Variants in SSH1 observed in about 807,000 individuals in gnomAD.
SSH1 encodes the protein slingshot protein phosphatase 1, also known as protein phosphatase Slingshot homolog 1.
A neutral mutation model predicts 79.7 loss-of-function variants in SSH1; 43 were observed. That is an observed-to-expected ratio of 0.54 (90% CI 0.42 to 0.70). The LOEUF (loss-of-function observed/expected upper bound fraction) is 0.70. Ranked by LOEUF, SSH1 falls within the 30% of genes least tolerant of loss-of-function variation. SSH1 has a pLI of 0.00. For synonymous variants in SSH1, 599 were observed against 538.3 expected (o/e 1.11, Z -1.56); for missense variants, 1,206 against 1,358.8 (o/e 0.89, Z 1.77).
intron 1 of SSH1, among the ~76,000 whole-genome samples, chr12:108,856,581 A>G (rs1219842228): frequency 6.6e-6 from 1 of 152,234 alleles, no homozygotes; most frequent in Non-Finnish European, 1.5e-5. Flanking sequence ...CAGACGTGAA[A>G]CACAGCCACA....
In SSH1 at chr12:108,792,680, T is replaced by C; in HGVS notation, c.1499A>G (p.Gln500Arg). 1 of 1,612,576 alleles carries C rather than the reference T, an allele frequency of 6.2e-7. No homozygotes were observed. Among genetic ancestry groups the C allele is most frequent in the Middle Eastern group, 1.6e-4 (1 of 6,062 alleles). ...GGGGAGGGGGGGCCCTAAGCCGGGC[T>C]GGGCGGCATCATCCAAGAAGGGCAG... The part of the protein sequence containing the change: ...SQLPFLDDAA[Q>R]PGLGPPLPCC... The change falls in exon 14 of 15, where the codon CAG becomes CGG. Residue 500 changes from glutamine to arginine, a missense_variant. Around this residue, in one of 5 missense-constraint regions of SSH1, gnomAD observed 709 missense variants for 730.6 expected, o/e 0.97. Coordinates refer to ENST00000326495, the MANE Select transcript of SSH1 (RefSeq NM_018984.4).
rs1208633198 is a variant in SSH1 at position 108,789,047 on chromosome 12, C to G, written c.2091G>C (p.Arg697Ser). The stretch of plus-strand genomic sequence containing the variant: ...AGGCTGGCTTCTCCGGAACACGGGA[C>G]CTGCTGGCCAAGTGGGCCACAGGGG... Reference protein sequence around the residue: ...TSSPVAHLASRSRVPEKPASG... With the variant: ...TSSPVAHLASSSRVPEKPASG... The change falls in exon 15 of 15, where the codon AGG becomes AGC. Residue 697 changes from arginine to serine, a missense_variant. Physicochemically the swap from Arg to Ser is moderately radical, Grantham distance 110 (BLOSUM62 -1). This residue lies in a region of SSH1 where 709 missense variants were observed against 730.6 expected (regional missense o/e 0.97). Transcript: ENST00000326495. 6.2e-7 allele frequency: 1 copy of G among 1,609,496 alleles called. No individual in the cohort carries two copies. The highest frequency in any genetic ancestry group is 1.7e-5 in the Admixed American group (1 of 59,808).
intron 10 of SSH1, among the ~76,000 whole-genome samples, chr12:108,802,645 T>G (rs1252199044): frequency 2.0e-5 from 3 of 151,988 alleles, no homozygotes; most frequent in Non-Finnish European, 4.4e-5. Context: ...GAAAACCTGC[T>G]CTCCGTCTCC....
At chr12:108,819,115 G>A (rs546099208) in intron 3 of SSH1, among the ~76,000 whole-genome samples, 4 of 152,232 alleles carry the variant, frequency 2.6e-5, no homozygotes, top group Admixed American at 6.5e-5. Context: ...CCGGGGGGGC[G>A]GGGGGAAATG....
chr12:108,790,396 C>T (rs1460422677), intron 14 of SSH1, among the ~76,000 whole-genome samples: 1 of 150,880 alleles, frequency 6.6e-6, no homozygotes, highest in Non-Finnish European at 1.5e-5. Flanking sequence ...ATGATCTGCC[C>T]GCCTCAGCCT....
At chr12:108,848,998 G>A in intron 2 of SSH1, among the ~76,000 whole-genome samples, 1 of 152,176 alleles carries the variant, frequency 6.6e-6, no homozygotes, top group Middle Eastern at 3.2e-3. Context: ...TCCCTCACCT[G>A]TATGTCCAAG....
At chr12:108,838,243 G>A (rs545862989) in intron 2 of SSH1, among the ~76,000 whole-genome samples, 12 of 152,234 alleles carry the variant, frequency 7.9e-5, no homozygotes, top group African/African-American at 2.9e-4. Flanking sequence ...CTCTTGCATA[G>A]TTTTACCCTC....
chr12:108,814,588 C>T (rs1474048528), intron 5 of SSH1, among the ~76,000 whole-genome samples: 1 of 152,128 alleles, frequency 6.6e-6, no homozygotes, highest in Admixed American at 6.5e-5. Flanking sequence ...GGCCCAGCGA[C>T]AGGAAAGACT....
At chr12:108,819,176 AT>A (rs2038019998) in intron 3 of SSH1, among the ~76,000 whole-genome samples, 1 of 152,210 alleles carries the variant, frequency 6.6e-6, no homozygotes, top group African/African-American at 2.4e-5. Context: ...CAGAGAAATA[AT>A]TTGAATAGAA....
At chr12:108,790,810 C>T (rs2036469761) in intron 14 of SSH1, among the ~76,000 whole-genome samples, 1 of 152,206 alleles carries the variant, frequency 6.6e-6, no homozygotes, top group African/African-American at 2.4e-5. Flanking sequence ...CACGGCTGTC[C>T]TGTGAGATGG....
intron 2 of SSH1, among the ~76,000 whole-genome samples, chr12:108,845,814 T>A (rs2038887876): frequency 6.6e-6 from 1 of 152,216 alleles, no homozygotes; most frequent in African/African-American, 2.4e-5. Context: ...AGAACTTGGA[T>A]GCACGGGGTG....
At chr12:108,802,549 C>A (rs926208766) in intron 10 of SSH1, among the ~76,000 whole-genome samples, 181 bp from the exon 11 acceptor site, 1 of 152,064 alleles carries the variant, frequency 6.6e-6, no homozygotes, top group African/African-American at 2.4e-5. Context: ...GTACTCAGAG[C>A]ATGAGAGGAA....
At chr12:108,853,991 C>T (rs2039096790) in intron 1 of SSH1, among the ~76,000 whole-genome samples, 1 of 151,132 alleles carries the variant, frequency 6.6e-6, no homozygotes, top group African/African-American at 2.4e-5. Context: ...GAAGTACATA[C>T]AAGATTCTGC....
chr12:108,840,730 A>G (rs1325585157), intron 2 of SSH1, among the ~76,000 whole-genome samples: 1 of 152,196 alleles, frequency 6.6e-6, no homozygotes, highest in Non-Finnish European at 1.5e-5. Flanking sequence ...GATGAGTTCT[A>G]AAGATGCGAG....
chr12:108,838,349 G>A (rs1003659971), intron 2 of SSH1, among the ~76,000 whole-genome samples: 5 of 152,182 alleles, frequency 3.3e-5, no homozygotes, highest in Non-Finnish European at 5.9e-5. Context: ...AGAAGAGAAC[G>A]ATGAAGAGCT....
intron 2 of SSH1, among the ~76,000 whole-genome samples, chr12:108,840,615 C>T (rs557119364): frequency 1.3e-3 from 201 of 152,300 alleles, no homozygotes; most frequent in Admixed American, 3.7e-3. Flanking sequence ...CATTTTCAGC[C>T]TTCCTTGAAG....
At chr12:108,852,321 C>T (rs1374641989) in intron 2 of SSH1, among the ~76,000 whole-genome samples, 5 of 151,380 alleles carry the variant, frequency 3.3e-5, no homozygotes, top group Non-Finnish European at 7.4e-5. Flanking sequence ...CTCTGCCTCC[C>T]GGGTTCAAGC....
chr12:108,857,466 T>C lies in SSH1; in HGVS notation c.31A>G (p.Thr11Ala). 1 of 1,129,212 alleles carries C rather than the reference T, an allele frequency of 8.9e-7. No homozygotes were observed. Among genetic ancestry groups the C allele is most frequent in the Non-Finnish European group, 1.1e-6 (1 of 903,740 alleles). 69.9% of individuals were successfully genotyped at this position (1,129,212 alleles called of 1,614,324 possible). MALVTLQRSPTPSAASSSASN... is the reference protein window; with the variant it reads MALVTLQRSPAPSAASSSASN... ...GCCGAGGAGGAGGCGGCGCTGGGCG[T>C]GGGCGAGCGCTGCAGGGTCACCAGG... is the stretch of plus-strand genomic sequence containing the variant. Residue 11 changes from threonine to alanine, a missense_variant, in exon 1 of 15, where the codon ACG becomes GCG. By Grantham distance (58) the Thr-to-Ala change is moderately conservative (BLOSUM62 0). Around this residue, in one of 5 missense-constraint regions of SSH1, gnomAD observed 100 missense variants for 82.3 expected, o/e 1.21. Coordinates refer to ENST00000326495, the MANE Select transcript of SSH1 (RefSeq NM_018984.4). This position sits in a 1 kb window ranked among gnomAD's most constrained non-coding sequence, Gnocchi z 4.7.
At chr12:108,803,461 T>C (rs1203041033) in intron 10 of SSH1, among the ~76,000 whole-genome samples, 1 of 147,110 alleles carries the variant, frequency 6.8e-6, no homozygotes, top group Non-Finnish European at 1.5e-5. Flanking sequence ...TTGTCTTCCT[T>C]GAAACTTCCT....
Sources: allele counts gnomAD v4.1 joint callset (sites outside exome capture counted in the v4.1 genomes callset), GRCh38; gene constraint gnomAD v4.1.1; regional missense constraint gnomAD v4.1.1; non-coding constraint Gnocchi (gnomAD v3.1); transcripts MANE v1.5; gene names NCBI Gene and HGNC (gene_info 2026-07-23, HGNC 2026-07-21).